MALT1: variants seen among roughly 807,000 people sequenced by gnomAD.
The protein encoded by MALT1 is mucosa-associated lymphoid tissue lymphoma translocation protein 1.
MALT1 carries 36 observed loss-of-function variants against 85.5 expected under a neutral mutation model. The observed-to-expected ratio is 0.42, with a 90% CI of 0.32 to 0.56. MALT1 has a LOEUF of 0.56. Among genes scored for constraint, MALT1 ranks in the 20% least tolerant of loss-of-function variants. MALT1 has a pLI of 0.10. For missense variants in MALT1, 716 were observed against 981.6 expected (o/e 0.73, Z 3.62); for synonymous variants, 359 against 361.3 (o/e 0.99, Z 0.07).
At chr18:58,744,641 C>T (rs540026123) in intron 15 of MALT1, 146 bp downstream of exon 15, 1 of 322,594 alleles carries the variant, frequency 3.1e-6, no homozygotes, top group Non-Finnish European at 5.3e-6. Flanking sequence ...TAACACTGAT[C>T]ATAATATTTA....
intron 2 of MALT1, among the ~76,000 whole-genome samples, chr18:58,695,249 G>A (rs1257639556): frequency 1.3e-5 from 2 of 152,206 alleles, no homozygotes; most frequent in East Asian, 3.8e-4. Context: ...GTGTGAAACA[G>A]ACTAATACTC....
intron 14 of MALT1, among the ~76,000 whole-genome samples, chr18:58,743,997 TAAC>T (rs1023468496): frequency 1.3e-5 from 2 of 148,462 alleles, no homozygotes; most frequent in African/African-American, 2.5e-5. Context: ...TGGTTAAAGG[TAAC>T]AAACTATAAT....
chr18:58,676,407 A>G (rs2054240671), intron 1 of MALT1, among the ~76,000 whole-genome samples: 1 of 147,870 alleles, frequency 6.8e-6, no homozygotes, highest in Non-Finnish European at 1.5e-5. Flanking sequence ...TCTCAGAGTA[A>G]AAACACCATT....
chr18:58,750,943 G>A lies in MALT1; in HGVS notation c.*3101G>A, dbSNP rs1050931196. ...AGAAAGTGAAGTTAACCCTCAGAATGGGAGAAAAATTTTTGAAAAATCATG... is the reference window on the plus strand; with the variant it reads ...AGAAAGTGAAGTTAACCCTCAGAATAGGAGAAAAATTTTTGAAAAATCATG... On this transcript the variant is annotated 3_prime_UTR_variant, in exon 17 of 17. Transcript: ENST00000649217. 1 of 152,136 alleles carries A rather than the reference G, an allele frequency of 6.6e-6. No individual in the cohort carries two copies. The highest frequency in any genetic ancestry group is 1.5e-5 in the Non-Finnish European group (1 of 68,038). 9.4% of individuals were successfully genotyped at this position (152,136 alleles called of 1,614,324 possible).
chr18:58,686,706 G>C lies in MALT1; in HGVS notation c.376+5370G>C, dbSNP rs1030765738. On this transcript the variant is annotated intron_variant, in intron 2 of 16. Transcript: ENST00000649217. ...TTTCATACCTTTTTTTCTCAGATCC[G>C]TTGTAACATACGCATTGTTATGTTT... Among the ~76,000 whole-genome samples the C allele has an allele frequency of 2.0e-5, 3 of 151,856 alleles. 1 individual carries two copies. In the East Asian group the frequency reaches 5.8e-4, roughly 29 times the overall value.
chr18:58,741,098 A>G (rs1428203672), intron 13 of MALT1, among the ~76,000 whole-genome samples: 1 of 152,124 alleles, frequency 6.6e-6, no homozygotes, highest in Non-Finnish European at 1.5e-5. Flanking sequence ...CCCCTAGGCT[A>G]GCCTGCTTCT....
intron 9 of MALT1, among the ~76,000 whole-genome samples, chr18:58,722,499 A>G (rs937897119): frequency 6.6e-6 from 1 of 152,190 alleles, no homozygotes; most frequent in Non-Finnish European, 1.5e-5. Context: ...AGGAGACGGT[A>G]GTACATCCAC....
rs545522341 is a variant in MALT1 at position 58,731,245 on chromosome 18, G to A, written c.1223-2152G>A. On this transcript the variant is annotated intron_variant, in intron 10 of 16. Coordinates refer to ENST00000649217, the MANE Select transcript of MALT1 (RefSeq NM_006785.4). Reference sequence around the variant, plus strand: ...TGGGATTACAGGCTTGAGCCTCCGCGCCTGGCCGTCATTAGTCTTTTTATT... The same window carrying A: ...TGGGATTACAGGCTTGAGCCTCCGCACCTGGCCGTCATTAGTCTTTTTATT... Among the ~76,000 whole-genome samples the A allele has an allele frequency of 5.3e-5, 8 of 152,256 alleles. No homozygotes were observed. The South Asian group carries it at 1.2e-3, about 24-fold the overall frequency.
At chr18:58,742,064 A>C (rs1370654328) in intron 14 of MALT1, 50 bp downstream of exon 14, 1 of 1,360,598 alleles carries the variant, frequency 7.3e-7, no homozygotes, top group Admixed American at 2.4e-5. Context: ...TTAACGTTAA[A>C]TCATAAAGTT....
At chr18:58,690,966 G>A (rs1602288127) in intron 2 of MALT1, 1 of 282,022 alleles carries the variant, frequency 3.5e-6, no homozygotes, top group Non-Finnish European at 7.0e-6. Context: ...ATAAAGTTGT[G>A]TAAGTCTCAG....
chr18:58,735,780 T>C (rs1186602470), intron 13 of MALT1, among the ~76,000 whole-genome samples: 1 of 152,180 alleles, frequency 6.6e-6, no homozygotes, highest in East Asian at 1.9e-4. Flanking sequence ...TGGGAAAAGC[T>C]GAGTTCATTT....
chr18:58,718,533 G>A (rs57246832), intron 9 of MALT1, among the ~76,000 whole-genome samples: 8,164 of 152,162 alleles, frequency 0.054, 353 homozygotes, highest in East Asian at 0.22. Flanking sequence ...TCTAACTAAT[G>A]CCTGATGATC....
chr18:58,710,899 A>G (rs1568139505), intron 6 of MALT1, 22 bp from the exon 7 acceptor site: 19 of 1,558,772 alleles, frequency 1.2e-5, no homozygotes, highest in Non-Finnish European at 1.7e-5. Flanking sequence ...AATATATTCA[A>G]ATTTGTTTTT....
chr18:58,749,136 C>G lies in MALT1; in HGVS notation c.*1294C>G, dbSNP rs903452770. 2 of 218,018 alleles carry G rather than the reference C, an allele frequency of 9.2e-6. No individual in the cohort carries two copies. Among genetic ancestry groups the G allele is most frequent in the African/African-American group, 4.5e-5 (2 of 44,482 alleles). 13.5% of individuals were successfully genotyped at this position (218,018 alleles called of 1,614,324 possible). A position where few individuals can be genotyped will look rare whatever the true frequency, so the allele number is the denominator to read the frequency against. On this transcript the variant is annotated 3_prime_UTR_variant, in exon 17 of 17. Transcript: ENST00000649217. ...AAAATCAAATAAGCTAATATACAGTCAGTTCTCATTATTCACAGTAATTAT... is the reference window on the plus strand; with the variant it reads ...AAAATCAAATAAGCTAATATACAGTGAGTTCTCATTATTCACAGTAATTAT...
chr18:58,728,403 A>G (rs940410382), intron 10 of MALT1, among the ~76,000 whole-genome samples: 1 of 122,150 alleles, frequency 8.2e-6, no homozygotes, highest in African/African-American at 3.7e-5. Context: ...CAGGAGTTTG[A>G]GACCAGCCTT....
chr18:58,678,630 T>C (rs897839894), intron 1 of MALT1, among the ~76,000 whole-genome samples: 5 of 152,216 alleles, frequency 3.3e-5, no homozygotes, highest in African/African-American at 9.6e-5. Context: ...TGCACATGAC[T>C]GCTTAAGGCC....
chr18:58,691,228 C>T (rs1430560918), intron 2 of MALT1: 2 of 335,434 alleles, frequency 6.0e-6, no homozygotes, highest in African/African-American at 2.3e-5. Context: ...AAAGATGACA[C>T]AGGATTCTGG....
At position 58,747,692 on chromosome 18, in the gene MALT1, T is replaced by C. The variant is rs112334809; in HGVS notation, c.2325T>C (p.Asp775=). The change falls in exon 17 of 17, where the codon GAT becomes GAC. Residue 775 remains aspartate (D), a synonymous_variant. Transcript: ENST00000649217. ...PGNPSNVTPA[D]SCHCSRTPDA... is the part of the protein sequence containing the mutation. The stretch of plus-strand genomic sequence containing the variant: ...ATCCAAGTAATGTTACACCAGCAGA[T>C]AGCTGTCATTGCAGCCGGACTCCAG... 7.4e-6 allele frequency: 12 copies of C among 1,614,238 alleles called. No homozygotes were observed. The highest frequency in any genetic ancestry group is 5.3e-5 in the African/African-American group (4 of 75,062).
chr18:58,678,083 G>A (rs1222095771), intron 1 of MALT1, among the ~76,000 whole-genome samples: 1 of 151,956 alleles, frequency 6.6e-6, no homozygotes. Context: ...CTTCTTACAT[G>A]GATTAGCTAT....
Sources: allele counts gnomAD v4.1 joint callset (sites outside exome capture counted in the v4.1 genomes callset), GRCh38; gene constraint gnomAD v4.1.1; transcripts MANE v1.5; gene names NCBI Gene and HGNC (gene_info 2026-07-23, HGNC 2026-07-21).